The following OSBPL3 variants were observed in gnomAD, a reference collection of about 807,000 sequenced individuals.
The protein encoded by OSBPL3 is oxysterol-binding protein-related protein 3.
OSBPL3 carries 65 observed loss-of-function variants against 120.1 expected under a neutral mutation model. That is an observed-to-expected ratio of 0.54 (90% CI 0.44 to 0.67). OSBPL3 has a LOEUF of 0.67. Among genes scored for constraint, OSBPL3 ranks in the 30% least tolerant of loss-of-function variants. OSBPL3 has a pLI of 0.00. For missense variants in OSBPL3, 1,004 were observed against 1,082.1 expected, an observed-to-expected ratio of 0.93 and a Z score of 1.01; for synonymous variants, 416 against 402.6, an observed-to-expected ratio of 1.03 and a Z score of -0.40.
rs1792052890 is a variant in OSBPL3 at position 24,799,485 on chromosome 7, A to G, written c.*698T>C. On this transcript the variant is annotated 3_prime_UTR_variant, in exon 23 of 23. Coordinates refer to ENST00000313367, the MANE Select transcript of OSBPL3 (RefSeq NM_015550.4). The surrounding 1 kb of genome is among the most constrained non-coding windows in gnomAD (Gnocchi z 5.3). ...TAATTGGAATTCTTTTCTCTTATGAATAATTTCTCTGAGCAACAGGGTACA... is the reference window on the plus strand; with the variant it reads ...TAATTGGAATTCTTTTCTCTTATGAGTAATTTCTCTGAGCAACAGGGTACA... 1 of 152,220 alleles carries G rather than the reference A, an allele frequency of 6.6e-6. No homozygotes were observed. Among genetic ancestry groups the G allele is most frequent in the South Asian group, 2.1e-4 (1 of 4,836 alleles). The allele number at this position is 152,220 out of a possible 1,614,324, so 9.4% of individuals were successfully genotyped here. A position where few individuals can be genotyped will look rare whatever the true frequency, so the allele number is the denominator to read the frequency against.
intron 2 of OSBPL3, among the ~76,000 whole-genome samples, chr7:24,880,712 G>A (rs114181203): frequency 0.018 from 2,706 of 152,100 alleles, 70 homozygotes; most frequent in East Asian, 0.048. Context: ...TTGGGGCTGC[G>A]AAAAATGAGT....
chr7:24,861,468 GAAATA>G, intron 10 of OSBPL3, 140 bp downstream of exon 10: 1 of 534,812 alleles, frequency 1.9e-6, no homozygotes, highest in Non-Finnish European at 3.2e-6. Flanking sequence ...CACTACTAGG[GAAATA>G]AAATAAAGAT....
At chr7:24,853,379 T>C (rs1053739958) in intron 10 of OSBPL3, among the ~76,000 whole-genome samples, 2 of 152,252 alleles carry the variant, frequency 1.3e-5, no homozygotes, top group African/African-American at 4.8e-5. Context: ...AATTTGATCA[T>C]GAGCAAACAT....
chr7:24,861,811 AT>A, intron 9 of OSBPL3, 42 bp from the exon 10 acceptor site: 1 of 1,344,724 alleles, frequency 7.4e-7, no homozygotes, highest in East Asian at 2.5e-5. Flanking sequence ...TCAGATGCAG[AT>A]TGCTTAGAAT....
At chr7:24,880,439 G>A (rs1367497977) in intron 2 of OSBPL3, among the ~76,000 whole-genome samples, 3 of 151,900 alleles carry the variant, frequency 2.0e-5, no homozygotes, top group Non-Finnish European at 4.4e-5. Context: ...TCCCCCAGCG[G>A]AACAAGTCTG....
rs1008152462 is a variant in OSBPL3, at chr7:24,891,908, T to C, written c.96+469A>G. ...GTGGTTACAAGCTGCCATAAAAGGT[T>C]TGATGAAGGGAAGAAAGTTGGGGTG... On this transcript the variant is annotated intron_variant, in intron 2 of 22. Coordinates refer to ENST00000313367, the MANE Select transcript of OSBPL3 (RefSeq NM_015550.4). This position sits in a 1 kb window ranked among gnomAD's most constrained non-coding sequence, Gnocchi z 4.1. 6.6e-6 allele frequency among the ~76,000 whole-genome samples: 1 copy of C among 152,160 alleles called. No individual in the cohort carries two copies. The highest frequency in any genetic ancestry group is 2.4e-5 in the African/African-American group (1 of 41,434).
At chr7:24,838,919 G>T (rs1797346621) in intron 14 of OSBPL3, among the ~76,000 whole-genome samples, 1 of 152,104 alleles carries the variant, frequency 6.6e-6, no homozygotes, top group Non-Finnish European at 1.5e-5. Flanking sequence ...TTCCACTAAG[G>T]GGTTCATCTC....
At chr7:24,904,918 G>GGTGT (rs67222925) in intron 1 of OSBPL3, among the ~76,000 whole-genome samples, 24,694 of 132,692 alleles carry the variant, frequency 0.19, 2,334 homozygotes, top group Middle Eastern at 0.23. Context: ...ATAATATACA[G>GGTGT]GTGTGTGTGT....
At chr7:24,914,933 A>G (rs1809331542) in intron 1 of OSBPL3, among the ~76,000 whole-genome samples, 1 of 152,250 alleles carries the variant, frequency 6.6e-6, no homozygotes, top group Non-Finnish European at 1.5e-5. Flanking sequence ...ACTGCTCAGT[A>G]TCAAGACAAC....
intron 16 of OSBPL3, among the ~76,000 whole-genome samples, chr7:24,825,286 G>A (rs1363255439): frequency 6.6e-6 from 1 of 152,190 alleles, no homozygotes. Flanking sequence ...ATGGCTGGCT[G>A]TAGAAGGAAG....
In OSBPL3 at chr7:24,957,186, A is replaced by C. The variant is rs2128508041; in HGVS notation, c.-150+22700T>G. ...AGGGGGCCAATACTATTAAAGTCAC[A>C]TTAATCTACACTTTGCAGAGACATG... On this transcript the variant is annotated intron_variant, in intron 1 of 22. Transcript: ENST00000313367. Among the ~76,000 whole-genome samples, 2 of 152,010 alleles carry C rather than the reference A, an allele frequency of 1.3e-5. 1 individual carries two copies. Among genetic ancestry groups the C allele is most frequent in the South Asian group, 4.2e-4 (2 of 4,798 alleles).
At chr7:24,828,614 AAAAAAAAG>A (rs1460497915) in intron 16 of OSBPL3, among the ~76,000 whole-genome samples, 14 of 128,842 alleles carry the variant, frequency 1.1e-4, no homozygotes, top group South Asian at 2.2e-4. Flanking sequence ...CTGAAAAAAA[AAAAAAAAG>A]AAAAAAAAAA....
Position 24,800,258 on chromosome 7 carries a change from C to T in OSBPL3, c.2589G>A (p.Trp863Ter). The change falls in exon 23 of 23, where the codon TGG (tryptophan) becomes TGA (stop). Residue 863 changes from tryptophan to a stop codon, truncating the protein, a stop_gained. Transcript: ENST00000313367. LOFTEE classifies it high-confidence loss of function. The stretch of plus-strand genomic sequence containing the variant: ...GTTCCAAATAGGTGCCGTTGCTCAC[C>T]CAAGAGTCATCGTCGGATTTCCTGT... ...RFFRKSDDDS[W>*]VSNGTYLELR... 1 of 1,610,902 alleles carries T rather than the reference C, an allele frequency of 6.2e-7. No homozygotes were observed. The highest frequency in any genetic ancestry group is 8.5e-7 in the Non-Finnish European group (1 of 1,177,268).
At chr7:24,865,274 A>C (rs967998086) in intron 7 of OSBPL3, 68 bp downstream of exon 7, 9 of 1,521,516 alleles carry the variant, frequency 5.9e-6, no homozygotes, top group Admixed American at 5.4e-5. Flanking sequence ...AATGAATCTG[A>C]AGTGTAAACA....
Position 24,818,058 on chromosome 7 carries a change from G to A in OSBPL3, c.1949-1370C>T, listed in dbSNP as rs559051935. Among the ~76,000 whole-genome samples the A allele has an allele frequency of 5.9e-5, 9 of 152,266 alleles. No individual in the cohort carries two copies. In the South Asian group the frequency reaches 1.0e-3, roughly 18 times the overall value. On this transcript the variant is annotated intron_variant, in intron 17 of 22. Coordinates refer to ENST00000313367, the MANE Select transcript of OSBPL3 (RefSeq NM_015550.4). This position sits in a 1 kb window ranked among gnomAD's most constrained non-coding sequence, Gnocchi z 4.0. Reference sequence around the variant, plus strand: ...TGAGAGAGGTGGGTCTGGGACCAGCGAGCACAGTGGGCCTCATATTGTTTA... The same window carrying A: ...TGAGAGAGGTGGGTCTGGGACCAGCAAGCACAGTGGGCCTCATATTGTTTA...
At position 24,953,382 on chromosome 7, in the gene OSBPL3, C is replaced by G. The variant is rs62451591; in HGVS notation, c.-150+26504G>C. Among the ~76,000 whole-genome samples, 451 of 152,156 alleles carry G rather than the reference C, an allele frequency of 3.0e-3. 3 individuals are homozygous for G. Among genetic ancestry groups the G allele is most frequent in the Non-Finnish European group, 5.4e-3 (370 of 68,004 alleles). On this transcript the variant is annotated intron_variant, in intron 1 of 22. Transcript: ENST00000313367. This position sits in a 1 kb window ranked among gnomAD's most constrained non-coding sequence, Gnocchi z 4.3. ...ATACCAGCAGGTTCTAATTTCCTAT[C>G]CCTGCCAGAAAGGCTGCTCAGAAGT...
chr7:24,928,337 G>A lies in OSBPL3; in HGVS notation c.-149-35716C>T, dbSNP rs536022796. Among the ~76,000 whole-genome samples the A allele has an allele frequency of 6.0e-4, 91 of 151,918 alleles. 1 individual carries two copies. Among genetic ancestry groups the A allele is most frequent in the African/African-American group, 2.2e-3 (90 of 41,406 alleles). ...CTCCCGAGTAGCTGGGACTATAGGC[G>A]CCCGCCACCACACCCGGCTACTTTT... On this transcript the variant is annotated intron_variant, in intron 1 of 22. Transcript: ENST00000313367.
Position 24,816,523 on chromosome 7 carries a change from C to T in OSBPL3, c.2027+87G>A, listed in dbSNP as rs376989150. ...AAAAATACACACTCAATGCAACTGC[C>T]GGGGGCGGGGGTGGGCATCCTGTCC... On this transcript the variant is annotated intron_variant, in intron 18 of 22. Transcript: ENST00000313367. The T allele has an allele frequency of 1.5e-4, 117 of 800,992 alleles. No individual in the cohort carries two copies. In the East Asian group the frequency reaches 2.3e-3, roughly 16 times the overall value. 49.6% of individuals were successfully genotyped at this position (800,992 alleles called of 1,614,324 possible). A position where few individuals can be genotyped will look rare whatever the true frequency, so the allele number is the denominator to read the frequency against.
In OSBPL3 at chr7:24,898,744, G is replaced by C. The variant is rs570217246; in HGVS notation, c.-149-6123C>G. Among the ~76,000 whole-genome samples, 1 of 152,066 alleles carries C rather than the reference G, an allele frequency of 6.6e-6. No individual in the cohort carries two copies. The highest frequency in any genetic ancestry group is 6.6e-5 in the Admixed American group (1 of 15,258). On this transcript the variant is annotated intron_variant, in intron 1 of 22. Coordinates refer to ENST00000313367, the MANE Select transcript of OSBPL3 (RefSeq NM_015550.4). The surrounding 1 kb of genome is among the most constrained non-coding windows in gnomAD (Gnocchi z 4.3). ...TCACTGAGTAAACAAAACAACAAGC[G>C]CAATAACACCAGTCATTAGAATCAT...
Sources: allele counts gnomAD v4.1 joint callset (sites outside exome capture counted in the v4.1 genomes callset), GRCh38; gene constraint gnomAD v4.1.1; non-coding constraint Gnocchi (gnomAD v3.1); transcripts MANE v1.5; gene names NCBI Gene and HGNC (gene_info 2026-07-23, HGNC 2026-07-21).